The following IQCB1 variants were observed in gnomAD, a reference collection of about 807,000 sequenced individuals.
IQCB1 encodes IQ calmodulin-binding motif-containing protein 1.
IQCB1 carries 56 observed loss-of-function variants against 84.4 expected under a neutral mutation model. The ratio of observed to expected loss-of-function variants is 0.66; its 90% confidence interval spans 0.54 to 0.83. The LOEUF (loss-of-function observed/expected upper bound fraction) is 0.83, where lower values mean the gene tolerates loss of function less well. Among genes scored for constraint, IQCB1 ranks in the 40% least tolerant of loss-of-function variants. The pLI, the probability that IQCB1 is intolerant of heterozygous loss-of-function variation, is 0.00. For missense variants in IQCB1, 629 were observed against 682.1 expected (o/e 0.92, Z 0.87); for synonymous variants, 210 against 234.8 (o/e 0.89, Z 0.96).
chr3:121,798,902 AT>A (rs1285359598), intron 8 of IQCB1, among the ~76,000 whole-genome samples: 1 of 151,842 alleles, frequency 6.6e-6, no homozygotes, highest in African/African-American at 2.4e-5. Flanking sequence ...CTTTTTGGTC[AT>A]TATTTTACTA....
At position 121,776,220 on chromosome 3, in the gene IQCB1, C is replaced by T. The variant is rs116269922; in HGVS notation, c.1411-3507G>A. ...AATTATGGGCGTGAGTCACCATGCC[C>T]GGCCAGAGATTCATCCATGTTGTTG... On this transcript the variant is annotated intron_variant, in intron 13 of 14. Coordinates refer to ENST00000310864, the MANE Select transcript of IQCB1 (RefSeq NM_001023570.4). Among the ~76,000 whole-genome samples the T allele has an allele frequency of 1.8e-3, 281 of 152,134 alleles. 2 individuals carry two copies. Among genetic ancestry groups the T allele is most frequent in the African/African-American group, 6.1e-3 (255 of 41,514 alleles).
At chr3:121,830,519 TG>T (rs1950602815) in intron 2 of IQCB1, among the ~76,000 whole-genome samples, 1 of 152,212 alleles carries the variant, frequency 6.6e-6, no homozygotes, top group South Asian at 2.1e-4. Flanking sequence ...CTAAGCACTA[TG>T]TTAATATACT....
chr3:121,779,974 C>T (rs1191915155), intron 13 of IQCB1, among the ~76,000 whole-genome samples: 1 of 152,184 alleles, frequency 6.6e-6, no homozygotes, highest in Admixed American at 6.5e-5. Flanking sequence ...AGACACACTT[C>T]CGTCTTACCT....
intron 5 of IQCB1, among the ~76,000 whole-genome samples, chr3:121,823,238 A>G (rs1351294301): frequency 6.6e-6 from 1 of 152,130 alleles, no homozygotes; most frequent in Non-Finnish European, 1.5e-5. Context: ...CAACAACCAG[A>G]AGTCCCAGAG....
At chr3:121,827,548 C>T (rs1950503177) in intron 4 of IQCB1, among the ~76,000 whole-genome samples, 1 of 151,986 alleles carries the variant, frequency 6.6e-6, no homozygotes, top group Admixed American at 6.5e-5. Flanking sequence ...CATAAACTAG[C>T]ATATCGAATC....
intron 11 of IQCB1, among the ~76,000 whole-genome samples, chr3:121,789,622 A>C (rs1948876820): frequency 6.6e-6 from 1 of 152,246 alleles, no homozygotes; most frequent in Non-Finnish European, 1.5e-5. Flanking sequence ...GATAATATTG[A>C]AACCACTAAG....
intron 2 of IQCB1, 55 bp from the exon 3 acceptor site, chr3:121,829,027 A>T: frequency 2.2e-6 from 2 of 905,288 alleles, no homozygotes. Flanking sequence ...AATGTTCACT[A>T]CCTAAATAAT....
intron 13 of IQCB1, among the ~76,000 whole-genome samples, chr3:121,774,300 A>G (rs1417369764): frequency 6.6e-5 from 10 of 152,236 alleles, no homozygotes; most frequent in Non-Finnish European, 1.2e-4. Context: ...ACAAGGATGT[A>G]CAGAAACTGG....
At chr3:121,806,573 C>T (rs982318761) in intron 7 of IQCB1, among the ~76,000 whole-genome samples, 4 of 152,036 alleles carry the variant, frequency 2.6e-5, no homozygotes, top group East Asian at 3.8e-4. Context: ...CCTGGAATTA[C>T]TGCTTTCTCT....
intron 8 of IQCB1, 95 bp downstream of exon 8, chr3:121,799,101 C>T: frequency 1.1e-6 from 1 of 880,356 alleles, no homozygotes; most frequent in Non-Finnish European, 1.8e-6. Context: ...GGTCAGTTAT[C>T]AACTCTTTAA....
chr3:121,820,142 A>G (rs1043860392), intron 5 of IQCB1, among the ~76,000 whole-genome samples: 3 of 152,218 alleles, frequency 2.0e-5, no homozygotes, highest in African/African-American at 7.2e-5. Context: ...TTACAAAGGT[A>G]CATTTCAATT....
At chr3:121,810,049 G>C (rs78533767) in intron 5 of IQCB1, among the ~76,000 whole-genome samples, 12,475 of 151,862 alleles carry the variant, frequency 0.082, 745 homozygotes, top group Non-Finnish European at 0.13. Context: ...AGATACATCA[G>C]AAAGGGCATG....
intron 10 of IQCB1, among the ~76,000 whole-genome samples, chr3:121,791,744 G>T (rs1238864669): frequency 1.3e-5 from 2 of 152,110 alleles, no homozygotes; most frequent in African/African-American, 4.8e-5. Context: ...ATTCATAGAG[G>T]GTAAAAGAGA....
At chr3:121,832,311 T>G (rs1312388910) in intron 2 of IQCB1, among the ~76,000 whole-genome samples, 1 of 148,402 alleles carries the variant, frequency 6.7e-6, no homozygotes, top group Non-Finnish European at 1.5e-5. Context: ...TATGGGGTCT[T>G]TACCATAATT....
intron 6 of IQCB1, 22 bp from the exon 7 acceptor site, chr3:121,807,465 GAA>G (rs778421981): frequency 8.6e-7 from 1 of 1,169,286 alleles, no homozygotes; most frequent in Non-Finnish European, 1.3e-6. Flanking sequence ...GAAAAAAAAA[GAA>G]AGATTAAAGT....
chr3:121,802,512 G>A (rs138897025), intron 7 of IQCB1, among the ~76,000 whole-genome samples: 1 of 152,078 alleles, frequency 6.6e-6, no homozygotes, highest in East Asian at 1.9e-4. Context: ...TTGGTCATTT[G>A]TATTATGTCT....
At chr3:121,813,607 AG>A (rs1234335003) in intron 5 of IQCB1, among the ~76,000 whole-genome samples, 13 of 152,332 alleles carry the variant, frequency 8.5e-5, no homozygotes, top group African/African-American at 3.1e-4. Context: ...AGCAAAAAAA[AG>A]CAGGAGTTGC....
At chr3:121,778,920 A>G (rs1293192407) in intron 13 of IQCB1, among the ~76,000 whole-genome samples, 1 of 150,836 alleles carries the variant, frequency 6.6e-6, no homozygotes, top group East Asian at 1.9e-4. Context: ...AAAAAAAGGT[A>G]TCTTCTTGCT....
chr3:121,814,083 G>A lies in IQCB1; in HGVS notation c.394-5074C>T, dbSNP rs1038596055. Reference sequence around the variant, plus strand: ...ATCATAACAAACAGTCTCAGTCCACGGTGCAATCAAATTAGAACTCAGGAT... The same window carrying A: ...ATCATAACAAACAGTCTCAGTCCACAGTGCAATCAAATTAGAACTCAGGAT... On this transcript the variant is annotated intron_variant, in intron 5 of 14. Transcript: ENST00000310864. Among the ~76,000 whole-genome samples the A allele has an allele frequency of 2.6e-5, 4 of 151,952 alleles. No individual in the cohort carries two copies. In the East Asian group the frequency reaches 5.8e-4, roughly 22 times the overall value.
Sources: gnomAD v4.1 joint callset for allele counts (sites outside exome capture counted in the v4.1 genomes callset) on GRCh38, gnomAD v4.1.1 for gene constraint, MANE v1.5 for transcripts, NCBI Gene and HGNC (gene_info 2026-07-23, HGNC 2026-07-21) for gene names.